Variants in LRRC4C observed in about 807,000 individuals in gnomAD.
LRRC4C encodes leucine rich repeat containing 4C.
Under a neutral mutation model 33.6 loss-of-function variants are expected in LRRC4C, and 5 were observed. That is an observed-to-expected ratio of 0.15 (90% CI 0.08 to 0.31). The LOEUF (loss-of-function observed/expected upper bound fraction) is 0.31, where lower values mean the gene tolerates loss of function less well. LRRC4C is among the 10% of genes least tolerant of loss of function. The pLI is 1.00. For missense variants in LRRC4C, 560 were observed against 796.7 expected (o/e 0.70, Z 3.58); for synonymous variants, 329 against 302.0 (o/e 1.09, Z -0.93).
intron 1 of LRRC4C, among the ~76,000 whole-genome samples, chr11:41,218,279 C>T (rs546529085): frequency 6.6e-6 from 1 of 152,236 alleles, no homozygotes; most frequent in African/African-American, 2.4e-5. Context: ...GTTCAACTTA[C>T]TTTACTTAAG....
chr11:41,067,731 C>T (rs539538251), intron 1 of LRRC4C, among the ~76,000 whole-genome samples: 1 of 152,246 alleles, frequency 6.6e-6, no homozygotes, highest in African/African-American at 2.4e-5. Flanking sequence ...CAACGAAAAT[C>T]AAACTCAGGA....
At chr11:41,194,951 A>G (rs1946118447) in intron 1 of LRRC4C, among the ~76,000 whole-genome samples, 1 of 152,066 alleles carries the variant, frequency 6.6e-6, no homozygotes, top group South Asian at 2.1e-4. Context: ...GAAATAGTTA[A>G]CTGTGCCTCT....
chr11:40,434,534 A>C lies in LRRC4C; in HGVS notation c.-269-114813T>G, dbSNP rs1376624222. Among the ~76,000 whole-genome samples the C allele has an allele frequency of 1.3e-5, 2 of 152,240 alleles. 1 individual carries two copies. Among genetic ancestry groups the C allele is most frequent in the African/African-American group, 4.8e-5 (2 of 41,468 alleles). ...CCTGGACAGTCTTTCGGGAAGACTA[A>C]AAATCAGAACAAAAACTCCGTGGGG... On this transcript the variant is annotated intron_variant, in intron 3 of 6. Coordinates refer to ENST00000528697, the MANE Select transcript of LRRC4C (RefSeq NM_001258419.2).
At chr11:40,758,695 G>A (rs1044163920) in intron 2 of LRRC4C, among the ~76,000 whole-genome samples, 9 of 152,108 alleles carry the variant, frequency 5.9e-5, no homozygotes, top group African/African-American at 2.2e-4. Context: ...AGAGATGAGT[G>A]GGAAGGTTGA....
intron 2 of LRRC4C, among the ~76,000 whole-genome samples, chr11:40,739,844 A>G (rs1948076039): frequency 6.6e-6 from 1 of 151,870 alleles, no homozygotes; most frequent in African/African-American, 2.4e-5. Flanking sequence ...TCTTTTCTTT[A>G]TGGATTACCC....
intron 1 of LRRC4C, among the ~76,000 whole-genome samples, chr11:40,954,860 C>G (rs1958889216): frequency 6.6e-6 from 1 of 151,912 alleles, no homozygotes; most frequent in African/African-American, 2.4e-5. Flanking sequence ...CATTCTTGGA[C>G]AACAGCAGGA....
chr11:41,411,396 C>G (rs545836545), intron 1 of LRRC4C, among the ~76,000 whole-genome samples: 20 of 151,654 alleles, frequency 1.3e-4, no homozygotes, highest in African/African-American at 4.8e-4. Context: ...GATCCGCCCA[C>G]CTCCGCCTCC....
At chr11:41,197,238 G>C (rs1213742450) in intron 1 of LRRC4C, among the ~76,000 whole-genome samples, 1 of 151,970 alleles carries the variant, frequency 6.6e-6, no homozygotes, top group Non-Finnish European at 1.5e-5. Context: ...TACAAAATAA[G>C]ACACACTATT....
chr11:40,311,605 C>A (rs1238992064), intron 4 of LRRC4C, among the ~76,000 whole-genome samples: 3 of 152,082 alleles, frequency 2.0e-5, no homozygotes, highest in Non-Finnish European at 4.4e-5. Context: ...TTTTATTTCA[C>A]CTCTGTTTTC....
intron 1 of LRRC4C, among the ~76,000 whole-genome samples, chr11:41,022,391 C>T (rs1856046593): frequency 6.6e-6 from 1 of 151,668 alleles, no homozygotes. Flanking sequence ...TCTGGCAGTA[C>T]CTGGGTTAGG....
intron 3 of LRRC4C, among the ~76,000 whole-genome samples, chr11:40,495,435 T>C (rs1954381464): frequency 6.6e-6 from 1 of 152,216 alleles, no homozygotes; most frequent in African/African-American, 2.4e-5. Context: ...AGTAGATTAA[T>C]ATACCAGTGT....
intron 2 of LRRC4C, among the ~76,000 whole-genome samples, chr11:40,720,407 A>G (rs1449797889): frequency 6.6e-6 from 1 of 152,232 alleles, no homozygotes; most frequent in East Asian, 1.9e-4. Flanking sequence ...CTCAGGCCTG[A>G]TTCCTACTGT....
At chr11:40,844,586 T>C (rs1953070116) in intron 2 of LRRC4C, among the ~76,000 whole-genome samples, 1 of 152,184 alleles carries the variant, frequency 6.6e-6, no homozygotes, top group Non-Finnish European at 1.5e-5. Context: ...GATCTTGGTA[T>C]GATTGAACTA....
chr11:41,035,303 C>T (rs1416102678), intron 1 of LRRC4C, among the ~76,000 whole-genome samples: 3 of 152,026 alleles, frequency 2.0e-5, no homozygotes. Context: ...TGGTTTGCTG[C>T]ACCTCTCAAC....
chr11:40,896,736 AG>A (rs1421712503), intron 2 of LRRC4C, among the ~76,000 whole-genome samples: 2 of 152,042 alleles, frequency 1.3e-5, no homozygotes, highest in African/African-American at 4.8e-5. Context: ...TAGTGACAGA[AG>A]AAAAATATAT....
At chr11:40,491,446 C>T (rs568364580) in intron 3 of LRRC4C, among the ~76,000 whole-genome samples, 5 of 152,270 alleles carry the variant, frequency 3.3e-5, no homozygotes, top group Non-Finnish European at 5.9e-5. Flanking sequence ...GGCACTTACA[C>T]GGTTGCAGTC....
intron 3 of LRRC4C, among the ~76,000 whole-genome samples, chr11:40,483,285 T>G (rs1171262884): frequency 6.6e-6 from 1 of 152,010 alleles, no homozygotes; most frequent in Non-Finnish European, 1.5e-5. Context: ...CTGGTGAAAG[T>G]CACGGAGGAA....
chr11:40,857,115 T>C (rs923275546), intron 2 of LRRC4C, among the ~76,000 whole-genome samples: 1 of 152,204 alleles, frequency 6.6e-6, no homozygotes, highest in African/African-American at 2.4e-5. Context: ...ATTTCTCTAT[T>C]TCTTTAGTTT....
At chr11:40,751,722 G>A (rs1948699123) in intron 2 of LRRC4C, among the ~76,000 whole-genome samples, 1 of 152,014 alleles carries the variant, frequency 6.6e-6, no homozygotes, top group South Asian at 2.1e-4. Context: ...AAATACCAAT[G>A]TTATTTTCCA....
Sources: gnomAD v4.1 joint callset for allele counts (sites outside exome capture counted in the v4.1 genomes callset) on GRCh38, gnomAD v4.1.1 for gene constraint, MANE v1.5 for transcripts, NCBI Gene and HGNC (gene_info 2026-07-23, HGNC 2026-07-21) for gene names.